Variants in FHIT observed in about 807,000 individuals in gnomAD.
FHIT encodes the protein fragile histidine triad diadenosine triphosphatase, also known as bis(5'-adenosyl)-triphosphatase.
A neutral mutation model predicts 17.9 loss-of-function variants in FHIT; 19 were observed. That is an observed-to-expected ratio of 1.06 (90% confidence interval 0.74 to 1.56). The LOEUF is 1.56. FHIT is among the 40% of genes most tolerant of loss of function. The pLI is 0.00. For synonymous variants in FHIT, 81 were observed against 69.7 expected (o/e 1.16, Z -0.81); for missense variants, 248 against 189.2 (o/e 1.31, Z -1.82).
At chr3:59,864,820 G>T (rs1352537981) in intron 8 of FHIT, among the ~76,000 whole-genome samples, 1 of 97,396 alleles carries the variant, frequency 1.0e-5, no homozygotes, top group Non-Finnish European at 2.0e-5. Flanking sequence ...GAAATTATAT[G>T]AAAGAGAGAG....
intron 3 of FHIT, among the ~76,000 whole-genome samples, chr3:60,991,242 G>T (rs367669761): frequency 6.6e-6 from 1 of 152,160 alleles, no homozygotes; most frequent in African/African-American, 2.4e-5. Context: ...GCCCAGTGCC[G>T]GGGACAAGCC....
At chr3:60,623,010 G>A (rs1277805420) in intron 4 of FHIT, among the ~76,000 whole-genome samples, 1 of 152,164 alleles carries the variant, frequency 6.6e-6, no homozygotes, top group African/African-American at 2.4e-5. Flanking sequence ...CTTGCAGTGG[G>A]TGCAAACATA....
chr3:60,267,557 C>T (rs1706646588), intron 5 of FHIT, among the ~76,000 whole-genome samples: 1 of 152,024 alleles, frequency 6.6e-6, no homozygotes, highest in Non-Finnish European at 1.5e-5. Flanking sequence ...CATGTTTATC[C>T]TAGGTCTCCA....
chr3:61,050,463 T>C (rs1553813673), intron 2 of FHIT, among the ~76,000 whole-genome samples: 1 of 152,170 alleles, frequency 6.6e-6, no homozygotes, highest in Non-Finnish European at 1.5e-5. Flanking sequence ...GAAATGCAAA[T>C]ATGGACTGGA....
intron 5 of FHIT, among the ~76,000 whole-genome samples, chr3:60,305,169 A>G (rs1387003169): frequency 1.3e-5 from 2 of 152,116 alleles, no homozygotes; most frequent in Non-Finnish European, 2.9e-5. Context: ...ACCTGTTAAG[A>G]CAGAAGCATG....
rs1276506620 is a variant in FHIT, at chr3:60,023,570, AG to A, written c.104-9419del. Among the ~76,000 whole-genome samples the A allele has an allele frequency of 2.6e-5, 4 of 152,342 alleles. No homozygotes were observed. In the East Asian group the frequency reaches 5.8e-4, roughly 22 times the overall value. ...CTCAGATCTTCCATATAGCTGGCCA[AG>A]CCAATGGAGCAACCAGACAACACAG... On this transcript the variant is annotated intron_variant, in intron 5 of 9. Transcript: ENST00000492590.
intron 4 of FHIT, among the ~76,000 whole-genome samples, chr3:60,767,928 C>T (rs1389807219): frequency 2.0e-5 from 3 of 152,194 alleles, no homozygotes; most frequent in Non-Finnish European, 2.9e-5. Flanking sequence ...GTAGATTACA[C>T]GGGATTGTAC....
intron 3 of FHIT, among the ~76,000 whole-genome samples, chr3:60,873,860 A>G (rs1704526646): frequency 6.6e-6 from 1 of 152,206 alleles, no homozygotes; most frequent in Non-Finnish European, 1.5e-5. Context: ...ACTTCGATGT[A>G]TAGAAAGTGC....
intron 5 of FHIT, among the ~76,000 whole-genome samples, chr3:60,510,760 G>A (rs370455186): frequency 3.9e-5 from 6 of 151,922 alleles, no homozygotes; most frequent in Non-Finnish European, 7.4e-5. Flanking sequence ...GTACAATTAC[G>A]AATCCAAAAT....
At chr3:60,208,018 C>A (rs572533221) in intron 5 of FHIT, among the ~76,000 whole-genome samples, 1 of 152,246 alleles carries the variant, frequency 6.6e-6, no homozygotes, top group African/African-American at 2.4e-5. Context: ...ATGAGGCAAC[C>A]AACCTGATTC....
intron 5 of FHIT, among the ~76,000 whole-genome samples, chr3:60,156,441 C>T (rs532522174): frequency 6.6e-5 from 10 of 151,388 alleles, no homozygotes; most frequent in African/African-American, 2.2e-4. Flanking sequence ...AGATACAATC[C>T]TAAAAAATTT....
chr3:61,002,407 C>G (rs1030986682), intron 3 of FHIT, among the ~76,000 whole-genome samples: 1 of 152,108 alleles, frequency 6.6e-6, no homozygotes, highest in Non-Finnish European at 1.5e-5. Context: ...GGACTACACG[C>G]ATGTGCCAAC....
chr3:60,276,095 C>T (rs1252867677), intron 5 of FHIT, among the ~76,000 whole-genome samples: 1 of 151,444 alleles, frequency 6.6e-6, no homozygotes, highest in Non-Finnish European at 1.5e-5. Context: ...TCACGCCATT[C>T]TCCTGCCTCA....
At chr3:59,908,887 TATAC>T in intron 8 of FHIT, among the ~76,000 whole-genome samples, 1 of 113,228 alleles carries the variant, frequency 8.8e-6, no homozygotes. Context: ...TAATCATTGT[TATAC>T]TTGGCACTCA....
intron 8 of FHIT, among the ~76,000 whole-genome samples, chr3:59,830,719 G>A (rs192798091): frequency 6.6e-6 from 1 of 152,248 alleles, no homozygotes; most frequent in Admixed American, 6.5e-5. Context: ...CCACAGCACA[G>A]CCAGCCACCT....
chr3:60,375,344 G>A (rs984054684), intron 5 of FHIT, among the ~76,000 whole-genome samples: 1 of 151,164 alleles, frequency 6.6e-6, no homozygotes. Context: ...TGAGGTGGGA[G>A]GATCACCTGA....
chr3:60,070,736 C>T lies in FHIT; in HGVS notation c.104-56584G>A, dbSNP rs150972300. 1.8e-3 allele frequency among the ~76,000 whole-genome samples: 268 copies of T among 152,316 alleles called. 1 individual carries two copies. Among genetic ancestry groups the T allele is most frequent in the African/African-American group, 6.0e-3 (250 of 41,560 alleles). ...CTCTGTTCAATATAAGGATATAGTCCATGAGACAGAAGGTTATTACAATGA... is the reference window on the plus strand; with the variant it reads ...CTCTGTTCAATATAAGGATATAGTCTATGAGACAGAAGGTTATTACAATGA... On this transcript the variant is annotated intron_variant, in intron 5 of 9. Coordinates refer to ENST00000492590, the MANE Select transcript of FHIT (RefSeq NM_002012.4).
chr3:60,125,351 G>A lies in FHIT; in HGVS notation c.104-111199C>T, dbSNP rs369675636. 6.6e-5 allele frequency among the ~76,000 whole-genome samples: 10 copies of A among 152,188 alleles called. No individual in the cohort carries two copies. In the East Asian group the frequency reaches 1.5e-3, roughly 24 times the overall value. ...ATTAATTTTTAAAATACACATGTAGGCCAGGCGTAGTGGCTTACGCCTGTA... is the reference window on the plus strand; with the variant it reads ...ATTAATTTTTAAAATACACATGTAGACCAGGCGTAGTGGCTTACGCCTGTA... On this transcript the variant is annotated intron_variant, in intron 5 of 9. Coordinates refer to ENST00000492590, the MANE Select transcript of FHIT (RefSeq NM_002012.4).
intron 4 of FHIT, among the ~76,000 whole-genome samples, chr3:60,765,760 T>A (rs1553721256): frequency 6.6e-6 from 1 of 152,200 alleles, no homozygotes; most frequent in Non-Finnish European, 1.5e-5. Flanking sequence ...GAGAGAAAGA[T>A]CCACCTTCAG....
Sources: gnomAD v4.1 joint callset for allele counts (sites outside exome capture counted in the v4.1 genomes callset) on GRCh38, gnomAD v4.1.1 for gene constraint, MANE v1.5 for transcripts, NCBI Gene and HGNC (gene_info 2026-07-23, HGNC 2026-07-21) for gene names.